COL6A5: variants seen among roughly 807,000 people sequenced by gnomAD.
COL6A5 encodes the protein collagen alpha-5(VI) chain.
A neutral mutation model predicts 65.6 loss-of-function variants in COL6A5; 48 were observed. The observed-to-expected ratio is 0.73, with a 90% confidence interval of 0.58 to 0.93. The LOEUF (loss-of-function observed/expected upper bound fraction) is 0.93, where lower values mean the gene tolerates loss of function less well. COL6A5 is among the 40% of genes least tolerant of loss of function. The probability of loss-of-function intolerance (pLI) is 0.00; values close to 1 mark genes in which losing one functional copy is unlikely to be tolerated. For missense variants in COL6A5, 914 were observed against 928.3 expected (o/e 0.98, Z 0.20); for synonymous variants, 291 against 322.8 (o/e 0.90, Z 1.05).
intron 7 of COL6A5, chr3:130,471,838 A>G: frequency 3.3e-6 from 5 of 1,533,578 alleles, no homozygotes; most frequent in Non-Finnish European, 4.4e-6. Context: ...TGCTCTTTTC[A>G]ACTGAGAAAC....
At chr3:130,467,370 C>G (rs1559918339) in intron 5 of COL6A5, among the ~76,000 whole-genome samples, 1 of 151,842 alleles carries the variant, frequency 6.6e-6, no homozygotes, top group Non-Finnish European at 1.5e-5. Flanking sequence ...TTAAAGTTAA[C>G]ACCAGTTAAC....
At chr3:130,465,428 GT>G (rs528088248) in intron 5 of COL6A5, among the ~76,000 whole-genome samples, 2 of 151,942 alleles carry the variant, frequency 1.3e-5, no homozygotes, top group Admixed American at 6.6e-5. Flanking sequence ...TAGGAATCAT[GT>G]TTTTTTTCCC....
intron 4 of COL6A5, among the ~76,000 whole-genome samples, chr3:130,450,123 T>G (rs2645970): frequency 0.83 from 126,172 of 151,708 alleles, 54,015 homozygotes; most frequent in Non-Finnish European, 0.93. Context: ...GGTTTGGCTG[T>G]AGGTAGATTT....
In COL6A5 at chr3:130,431,977, A is replaced by C. The variant is rs777551225; in HGVS notation, c.487+28A>C. On this transcript the variant is annotated intron_variant, in intron 1 of 7. Coordinates refer to ENST00000512836, the Ensembl canonical transcript of COL6A5. The stretch of plus-strand genomic sequence containing the variant: ...AAGAATTTCTCTTGGCAACTTCTTT[A>C]ATTTTAAGATAGAGGTAGGTATTGT... 24 of 1,543,298 alleles carry C rather than the reference A, an allele frequency of 1.6e-5. 1 individual carries two copies. In the Middle Eastern group the frequency reaches 5.0e-4, roughly 32 times the overall value.
intron 12 of COL6A5, among the ~76,000 whole-genome samples, chr3:130,403,361 T>G (rs1054872041): frequency 2.0e-5 from 3 of 152,050 alleles, no homozygotes; most frequent in Non-Finnish European, 4.4e-5. Context: ...CATCTGCTGG[T>G]GGGTTCCAAA....
chr3:130,379,998 A>G (rs1163906249), exon 4 of COL6A5: 1 of 1,550,102 alleles, frequency 6.5e-7, no homozygotes, highest in Admixed American at 2.0e-5. Context: ...TCCAGAATGA[A>G]ATATGGTCCC....
At chr3:130,395,927 T>C (rs1054467496) in intron 8 of COL6A5, among the ~76,000 whole-genome samples, 5 of 152,128 alleles carry the variant, frequency 3.3e-5, no homozygotes, top group African/African-American at 9.7e-5. Flanking sequence ...GTACAGTGTA[T>C]TTTTCTTCTT....
At chr3:130,390,040 G>A (rs2107652004) in intron 6 of COL6A5, among the ~76,000 whole-genome samples, 1 of 152,254 alleles carries the variant, frequency 6.6e-6, no homozygotes, top group African/African-American at 2.4e-5. Flanking sequence ...AGTGTTAGGT[G>A]ATAGTTCTAA....
chr3:130,438,152 C>T (rs950266642), intron 1 of COL6A5, among the ~76,000 whole-genome samples: 2 of 152,060 alleles, frequency 1.3e-5, no homozygotes, highest in Non-Finnish European at 2.9e-5. Context: ...CACATGCCAC[C>T]ACACCTGGCT....
intron 18 of COL6A5, 71 bp from the exon 19 acceptor site, chr3:130,409,938 A>C: frequency 9.3e-7 from 1 of 1,078,432 alleles, no homozygotes; most frequent in South Asian, 1.4e-5. Flanking sequence ...TTAGTACTTG[A>C]ACATCATACC....
chr3:130,408,515 G>A (rs1429187145), intron 17 of COL6A5, among the ~76,000 whole-genome samples: 2 of 152,162 alleles, frequency 1.3e-5, no homozygotes, highest in Non-Finnish European at 2.9e-5. Context: ...ACCTTCATCA[G>A]TAATTCTAGT....
chr3:130,388,065 C>A (rs1235554003), intron 5 of COL6A5, among the ~76,000 whole-genome samples: 2 of 151,808 alleles, frequency 1.3e-5, no homozygotes, highest in Admixed American at 6.6e-5. Flanking sequence ...CTAGTAAAAA[C>A]TTTTTCTCCA....
chr3:130,355,708 ATAAAT>A (rs1425531346), intron 1 of COL6A5, among the ~76,000 whole-genome samples: 8 of 152,078 alleles, frequency 5.3e-5, no homozygotes, highest in Admixed American at 3.3e-4. Flanking sequence ...ATAAGGCAAA[ATAAAT>A]TAAACAAAAC....
chr3:130,450,806 A>C (rs1223866407), intron 4 of COL6A5, among the ~76,000 whole-genome samples: 1 of 152,136 alleles, frequency 6.6e-6, no homozygotes, highest in African/African-American at 2.4e-5. Context: ...CCAAGCTCTC[A>C]TACACACCTT....
intron 15 of COL6A5, 21 bp from the exon 16 acceptor site, chr3:130,406,110 C>G: frequency 6.5e-7 from 1 of 1,548,724 alleles, no homozygotes; most frequent in South Asian, 1.2e-5. Context: ...TACCTGATGC[C>G]TGTCTATTGT....
At chr3:130,356,893 A>T (rs775155517) in intron 1 of COL6A5, among the ~76,000 whole-genome samples, 3 of 152,216 alleles carry the variant, frequency 2.0e-5, no homozygotes, top group Non-Finnish European at 4.4e-5. Flanking sequence ...ATTACCACAT[A>T]GGAAAGAATA....
At chr3:130,379,473 G>A in exon 4 of COL6A5, 2 of 1,551,250 alleles carry the variant, frequency 1.3e-6, no homozygotes, top group Middle Eastern at 1.7e-4. Context: ...TGTTCCTGGT[G>A]GATGAGTCAC....
intron 20 of COL6A5, among the ~76,000 whole-genome samples, chr3:130,412,484 A>G (rs950480524): frequency 3.9e-5 from 6 of 152,200 alleles, no homozygotes; most frequent in African/African-American, 1.4e-4. Flanking sequence ...CCTGATTTTC[A>G]AGGACATATC....
intron 1 of COL6A5, among the ~76,000 whole-genome samples, chr3:130,435,325 C>T (rs1014045173): frequency 1.1e-4 from 16 of 152,192 alleles, no homozygotes; most frequent in Non-Finnish European, 1.5e-4. Flanking sequence ...CAGTACCAAG[C>T]TGTTTCAGTT....
Sources: allele counts gnomAD v4.1 joint callset (sites outside exome capture counted in the v4.1 genomes callset), GRCh38; gene constraint gnomAD v4.1.1; transcripts MANE v1.5; gene names NCBI Gene and HGNC (gene_info 2026-07-23, HGNC 2026-07-21).